The following TPST1 variants were observed in gnomAD, a reference collection of about 807,000 sequenced individuals.
TPST1 encodes the protein tyrosylprotein sulfotransferase 1, also known as protein-tyrosine sulfotransferase 1.
TPST1 carries 20 observed loss-of-function variants against 34.8 expected under a neutral mutation model. That is an observed-to-expected ratio of 0.57 (90% confidence interval 0.40 to 0.84). The LOEUF is 0.84. Ranked by LOEUF, TPST1 falls within the 40% of genes least tolerant of loss-of-function variation. TPST1 has a pLI of 0.00. For missense variants in TPST1, 353 were observed against 455.5 expected (o/e 0.78, Z 2.05); for synonymous variants, 152 against 159.4 (o/e 0.95, Z 0.35).
Position 66,360,293 on chromosome 7 carries a change from GT to G in TPST1, c.*431del, listed in dbSNP as rs71732845. On this transcript the variant is annotated 3_prime_UTR_variant, in exon 6 of 6. Transcript: ENST00000304842. The stretch of plus-strand genomic sequence containing the variant: ...AATGTTTTGTAGAACACGTGTGCCT[GT>G]TTAAGTGTATTGATGTGAATAATAT... 0.025 allele frequency: 4,621 copies of G among 187,722 alleles called. 100 individuals are homozygous for G. The highest frequency in any genetic ancestry group is 0.068 in the Middle Eastern group (30 of 438). The allele number at this position is 187,722 out of a possible 1,614,324, so 11.6% of individuals were successfully genotyped here.
At chr7:66,350,314 C>T (rs1293623259) in intron 3 of TPST1, among the ~76,000 whole-genome samples, 4 of 152,250 alleles carry the variant, frequency 2.6e-5, no homozygotes, top group Non-Finnish European at 2.9e-5. Flanking sequence ...CGCGCCCAGC[C>T]GAACAAATGA....
intron 1 of TPST1, among the ~76,000 whole-genome samples, chr7:66,223,606 G>C (rs1277994278): frequency 6.6e-6 from 1 of 151,990 alleles, no homozygotes; most frequent in East Asian, 1.9e-4. Flanking sequence ...ACATGAACTT[G>C]ATGAATCTAA....
intron 3 of TPST1, among the ~76,000 whole-genome samples, chr7:66,311,807 A>G (rs1791538155): frequency 1.3e-5 from 2 of 152,350 alleles, no homozygotes; most frequent in South Asian, 2.1e-4. Flanking sequence ...TGTCCACAGG[A>G]CGAGGCTGAA....
intron 3 of TPST1, among the ~76,000 whole-genome samples, chr7:66,311,284 A>G (rs1791527341): frequency 6.6e-6 from 1 of 152,056 alleles, no homozygotes; most frequent in Admixed American, 6.6e-5. Context: ...GACCATAGGC[A>G]TGCACCACTA....
rs1790019017 is a variant in TPST1 at position 66,240,909 on chromosome 7, T to C, written c.484T>C (p.Phe162Leu). ...PAPYLCNKDP[F>L]ALKSLTYLSR... ...CCCTTATTTATGTAATAAAGATCCT[T>C]TTGCCCTGAAATCTTTAACTTACCT... Residue 162 changes from phenylalanine to leucine, a missense_variant, in exon 2 of 6, where the codon TTT (phenylalanine) becomes CTT (leucine). Transcript: ENST00000304842. 1 of 1,614,018 alleles carries C rather than the reference T, an allele frequency of 6.2e-7. No individual in the cohort carries two copies. The highest frequency in any genetic ancestry group is 8.5e-7 in the Non-Finnish European group (1 of 1,180,034).
intron 1 of TPST1, among the ~76,000 whole-genome samples, chr7:66,231,763 T>C (rs1433858468): frequency 6.6e-6 from 1 of 152,220 alleles, no homozygotes; most frequent in East Asian, 1.9e-4. Context: ...GCTCCAGCCT[T>C]GGCCAGCCCA....
At chr7:66,251,141 A>C (rs1337512422) in intron 2 of TPST1, among the ~76,000 whole-genome samples, 1 of 152,216 alleles carries the variant, frequency 6.6e-6, no homozygotes, top group Non-Finnish European at 1.5e-5. Context: ...AATAATAACT[A>C]TCCATAGGGT....
At chr7:66,234,400 T>TACACACACACACACACAC (rs56139529) in intron 1 of TPST1, among the ~76,000 whole-genome samples, 13,804 of 142,668 alleles carry the variant, frequency 0.097, 881 homozygotes, top group Admixed American at 0.15. Context: ...AAAGCATGGC[T>TACACACACACACACACAC]ACACACACAC....
At chr7:66,203,391 C>T (rs1212710803), upstream of TPST1, among the ~76,000 whole-genome samples, 1 of 151,886 alleles carries the variant, frequency 6.6e-6, no homozygotes, top group Non-Finnish European at 1.5e-5. Context: ...AGGCGTGAGC[C>T]ACCACACCCA....
chr7:66,348,227 T>A (rs1025585401), intron 3 of TPST1, among the ~76,000 whole-genome samples: 1 of 152,180 alleles, frequency 6.6e-6, no homozygotes, highest in African/African-American at 2.4e-5. Context: ...CATCATTATC[T>A]CTTCTCTGGA....
In TPST1 at chr7:66,307,888, AT is replaced by A. The variant is rs555966047; in HGVS notation, c.1044+21181del. Among the ~76,000 whole-genome samples the A allele has an allele frequency of 3.6e-3, 543 of 152,344 alleles. 3 individuals carry two copies. Among genetic ancestry groups the A allele is most frequent in the African/African-American group, 0.012 (514 of 41,570 alleles). On this transcript the variant is annotated intron_variant, in intron 3 of 5. Coordinates refer to ENST00000304842, the MANE Select transcript of TPST1 (RefSeq NM_003596.4). ...GTTATTGAGAGCCTCCTCTGCTGAG[AT>A]TATACATTGGTCATCATTTACATGG...
chr7:66,344,762 C>T (rs1392173902), intron 3 of TPST1, among the ~76,000 whole-genome samples: 5 of 144,972 alleles, frequency 3.4e-5, no homozygotes, highest in East Asian at 2.0e-4. Flanking sequence ...CTCACTCTGT[C>T]GCCCAGGCTG....
At chr7:66,299,968 T>C (rs1216677265) in intron 3 of TPST1, among the ~76,000 whole-genome samples, 1 of 152,176 alleles carries the variant, frequency 6.6e-6, no homozygotes, top group Non-Finnish European at 1.5e-5. Flanking sequence ...TCCCAGTACA[T>C]ATAAAAGTTA....
intron 3 of TPST1, among the ~76,000 whole-genome samples, chr7:66,336,040 G>A (rs1023040218): frequency 5.3e-5 from 8 of 152,246 alleles, no homozygotes; most frequent in Non-Finnish European, 1.0e-4. Flanking sequence ...GCCAGGCATG[G>A]TGGCTTACGC....
chr7:66,327,737 G>T (rs562526258), intron 3 of TPST1, among the ~76,000 whole-genome samples: 2 of 93,176 alleles, frequency 2.1e-5, no homozygotes, highest in African/African-American at 9.9e-5. Flanking sequence ...AAAAAAAAAA[G>T]TGCGTGTGTG....
chr7:66,201,067 C>T (rs561987724), upstream of TPST1, among the ~76,000 whole-genome samples: 1 of 152,126 alleles, frequency 6.6e-6, no homozygotes, highest in South Asian at 2.1e-4. Context: ...GGGCTGATCA[C>T]CTGGAAAGGT....
chr7:66,206,928 CT>C (rs1011022979), intron 1 of TPST1, among the ~76,000 whole-genome samples: 14 of 152,176 alleles, frequency 9.2e-5, no homozygotes, highest in Admixed American at 5.2e-4. Flanking sequence ...TTATCCACCC[CT>C]CTCCCTCCCC....
chr7:66,320,073 T>C (rs1305360982), intron 3 of TPST1, among the ~76,000 whole-genome samples: 1 of 152,122 alleles, frequency 6.6e-6, no homozygotes, highest in Non-Finnish European at 1.5e-5. Flanking sequence ...TAGTCTTTTC[T>C]AATACTCTTT....
At chr7:66,302,000 T>G (rs1162299726) in intron 3 of TPST1, among the ~76,000 whole-genome samples, 3 of 152,248 alleles carry the variant, frequency 2.0e-5, no homozygotes, top group African/African-American at 7.2e-5. Flanking sequence ...GGTATGCCTG[T>G]ACTCATTTGC....
Sources: allele counts gnomAD v4.1 joint callset (sites outside exome capture counted in the v4.1 genomes callset), GRCh38; gene constraint gnomAD v4.1.1; transcripts MANE v1.5; gene names NCBI Gene and HGNC (gene_info 2026-07-23, HGNC 2026-07-21).